Variants in CNTN5 observed in about 807,000 individuals in gnomAD.
CNTN5 encodes contactin 5.
In CNTN5, 77 loss-of-function variants were observed where a neutral mutation model predicts 129.1. That is an observed-to-expected ratio of 0.60 (90% CI 0.50 to 0.72). The LOEUF is 0.72. CNTN5 is among the 30% of genes least tolerant of loss of function. The pLI, the probability that CNTN5 is intolerant of heterozygous loss-of-function variation, is 0.00. For synonymous variants in CNTN5, 509 were observed against 465.6 expected (o/e 1.09, Z -1.20); for missense variants, 1,478 against 1,328.8 (o/e 1.11, Z -1.75).
chr11:99,950,240 A>G (rs948826259), intron 7 of CNTN5, among the ~76,000 whole-genome samples: 1 of 152,186 alleles, frequency 6.6e-6, no homozygotes, highest in African/African-American at 2.4e-5. Context: ...GCATTTTGGA[A>G]GGCCGAGGCG....
chr11:99,490,732 T>C (rs1341294425), intron 2 of CNTN5, among the ~76,000 whole-genome samples: 1 of 152,154 alleles, frequency 6.6e-6, no homozygotes, highest in East Asian at 1.9e-4. Context: ...TCTCAGTTTA[T>C]ATGGGATGGC....
chr11:99,771,455 A>C (rs1944943478), intron 3 of CNTN5, among the ~76,000 whole-genome samples: 1 of 152,046 alleles, frequency 6.6e-6, no homozygotes, highest in African/African-American at 2.4e-5. Context: ...ACACAATGAA[A>C]TATTATTTGG....
intron 3 of CNTN5, among the ~76,000 whole-genome samples, chr11:99,653,221 A>T (rs1158297968): frequency 5.3e-5 from 8 of 151,984 alleles, no homozygotes; most frequent in Admixed American, 1.3e-4. Context: ...GACAGATTGG[A>T]TTTGTACTAC....
At chr11:99,385,424 G>T (rs1940868082) in intron 2 of CNTN5, among the ~76,000 whole-genome samples, 3 of 152,120 alleles carry the variant, frequency 2.0e-5, no homozygotes, top group Admixed American at 6.5e-5. Flanking sequence ...TAGTGATTTG[G>T]ACTTGAACTG....
chr11:99,891,205 A>G (rs77077342), intron 6 of CNTN5, among the ~76,000 whole-genome samples: 1,954 of 152,260 alleles, frequency 0.013, 38 homozygotes, highest in African/African-American at 0.045. Context: ...TATTTATGTA[A>G]GATAAGGGAA....
At chr11:99,575,995 C>T (rs1004690646) in intron 3 of CNTN5, among the ~76,000 whole-genome samples, 3 of 152,176 alleles carry the variant, frequency 2.0e-5, no homozygotes, top group African/African-American at 7.2e-5. Context: ...CCGGTGGCCA[C>T]ATCACAGCTG....
At chr11:99,337,700 G>A (rs1249580985) in intron 2 of CNTN5, among the ~76,000 whole-genome samples, 1 of 152,146 alleles carries the variant, frequency 6.6e-6, no homozygotes, top group Admixed American at 6.5e-5. Flanking sequence ...CCAGTTTATG[G>A]CTGGATTTTG....
chr11:99,792,573 G>GTGTGTCTGTGTC (rs34622017), intron 3 of CNTN5, among the ~76,000 whole-genome samples: 1 of 116,614 alleles, frequency 8.6e-6, no homozygotes, highest in South Asian at 2.9e-4. Flanking sequence ...GTGTGTGTGT[G>GTGTGTCTGTGTC]TGTCTGTCTG....
chr11:99,166,140 A>C (rs1860854309), intron 1 of CNTN5, among the ~76,000 whole-genome samples: 1 of 152,184 alleles, frequency 6.6e-6, no homozygotes. Context: ...ACGATGGCTC[A>C]CGCCTGTAAT....
intron 1 of CNTN5, among the ~76,000 whole-genome samples, chr11:99,285,361 T>A (rs10893052): frequency 0.29 from 44,239 of 151,928 alleles, 6,653 homozygotes; most frequent in Middle Eastern, 0.39. Context: ...GGTTTTTCTT[T>A]TTCTGACTCC....
At chr11:100,284,048 C>T (rs544458552) in intron 18 of CNTN5, among the ~76,000 whole-genome samples, 12 of 152,288 alleles carry the variant, frequency 7.9e-5, no homozygotes, top group African/African-American at 2.9e-4. Context: ...CCAAGCGACA[C>T]TGAATTTAAT....
At chr11:99,209,606 C>A (rs577022915) in intron 1 of CNTN5, among the ~76,000 whole-genome samples, 8 of 152,242 alleles carry the variant, frequency 5.3e-5, no homozygotes, top group African/African-American at 1.9e-4. Context: ...TACATTGCAA[C>A]AGGAGATTTG....
chr11:99,170,977 C>G (rs1333480038), intron 1 of CNTN5, among the ~76,000 whole-genome samples: 1 of 152,150 alleles, frequency 6.6e-6, no homozygotes, highest in African/African-American at 2.4e-5. Context: ...AAGGCTGCAA[C>G]TTTAAAAATA....
At chr11:99,488,036 A>G (rs994636737) in intron 2 of CNTN5, among the ~76,000 whole-genome samples, 50 of 152,152 alleles carry the variant, frequency 3.3e-4, no homozygotes, top group African/African-American at 1.2e-3. Context: ...ATTAGCTGCT[A>G]TCATGAACAA....
At chr11:100,139,675 C>T (rs145823166) in intron 13 of CNTN5, among the ~76,000 whole-genome samples, 1 of 151,962 alleles carries the variant, frequency 6.6e-6, no homozygotes, top group Non-Finnish European at 1.5e-5. Context: ...ATCAGCCTGG[C>T]CAACATGGCA....
intron 3 of CNTN5, among the ~76,000 whole-genome samples, chr11:99,768,059 ACTGCAAGACTGAGTTGAGT>A (rs1944816189): frequency 1.3e-5 from 2 of 152,084 alleles, no homozygotes; most frequent in African/African-American, 4.8e-5. Flanking sequence ...CTGCTTTTGC[ACTGCAAGACTGAGTTGAGT>A]AGTTGTGACA....
chr11:100,134,555 A>T (rs1022033275), intron 13 of CNTN5, among the ~76,000 whole-genome samples: 21 of 152,142 alleles, frequency 1.4e-4, no homozygotes, highest in African/African-American at 5.1e-4. Flanking sequence ...TTTATCAATC[A>T]ATTGGGTTCA....
chr11:99,351,108 G>T (rs1938267296), intron 2 of CNTN5, among the ~76,000 whole-genome samples: 1 of 151,960 alleles, frequency 6.6e-6, no homozygotes, highest in Non-Finnish European at 1.5e-5. Context: ...CATGGCACAT[G>T]TATACCTAGG....
chr11:100,074,496 G>T, intron 13 of CNTN5: 2 of 480,504 alleles, frequency 4.2e-6, no homozygotes, highest in Non-Finnish European at 7.3e-6. Context: ...TGACTCCATG[G>T]GGTTTTAGCA....
Sources: gnomAD v4.1 joint callset for allele counts (sites outside exome capture counted in the v4.1 genomes callset) on GRCh38, gnomAD v4.1.1 for gene constraint, MANE v1.5 for transcripts, NCBI Gene and HGNC (gene_info 2026-07-23, HGNC 2026-07-21) for gene names.